CREBBP: variants seen among roughly 807,000 people sequenced by gnomAD.
CREBBP encodes CREB-binding protein.
Under a neutral mutation model 265.0 loss-of-function variants are expected in CREBBP, and 19 were observed. The observed-to-expected ratio is 0.07, with a 90% CI of 0.05 to 0.11. CREBBP has a LOEUF of 0.11. Ranked by LOEUF, CREBBP falls within the 10% of genes least tolerant of loss-of-function variation. The pLI is 1.00. For synonymous variants in CREBBP, 1,457 were observed against 1,223.7 expected, an observed-to-expected ratio of 1.19 and a Z score of -3.98; for missense variants, 2,525 against 3,219.0, an observed-to-expected ratio of 0.78 and a Z score of 5.22.
At chr16:3,816,681 C>G (rs1161005718) in intron 2 of CREBBP, among the ~76,000 whole-genome samples, 1 of 152,158 alleles carries the variant, frequency 6.6e-6, no homozygotes, top group Non-Finnish European at 1.5e-5. Flanking sequence ...GTACAAAGTA[C>G]CACACGGCTC....
chr16:3,827,449 T>C lies in CREBBP; in HGVS notation c.799-16670A>G, dbSNP rs561859203. Among the ~76,000 whole-genome samples, 56 of 152,280 alleles carry C rather than the reference T, an allele frequency of 3.7e-4. 1 individual carries two copies. The highest frequency in any genetic ancestry group is 1.3e-3 in the African/African-American group (53 of 41,556). ...CTCTGTTGCCCAGGCTGGAGTGCAG[T>C]GACGCAATCTCGGCTCACTGCAACC... On this transcript the variant is annotated intron_variant, in intron 2 of 30. Coordinates refer to ENST00000262367, the MANE Select transcript of CREBBP (RefSeq NM_004380.3).
At chr16:3,778,908 T>C (rs2053208416) in intron 8 of CREBBP, 91 bp from the exon 9 acceptor site, 1 of 1,072,002 alleles carries the variant, frequency 9.3e-7, no homozygotes, top group South Asian at 1.2e-5. Flanking sequence ...GGCTCACGCT[T>C]GTAATCCCAG....
intron 1 of CREBBP, among the ~76,000 whole-genome samples, chr16:3,871,100 AAAG>A (rs2055286029): frequency 6.6e-6 from 1 of 151,394 alleles, no homozygotes; most frequent in Non-Finnish European, 1.5e-5. Context: ...AAGAAAGAAA[AAAG>A]AAAGAAAGAA....
intron 1 of CREBBP, among the ~76,000 whole-genome samples, chr16:3,866,031 A>G (rs1300988683): frequency 6.6e-6 from 1 of 152,208 alleles, no homozygotes; most frequent in African/African-American, 2.4e-5. Flanking sequence ...AATGGTTCCC[A>G]GTGCTCCAGT....
intron 2 of CREBBP, among the ~76,000 whole-genome samples, chr16:3,812,683 T>C (rs976714348): frequency 6.6e-6 from 1 of 152,074 alleles, no homozygotes; most frequent in African/African-American, 2.4e-5. Context: ...AATTCAGGAA[T>C]TGCCATGGCA....
chr16:3,782,848 A>G lies in CREBBP; in HGVS notation c.1409T>C (p.Leu470Ser). The G allele has an allele frequency of 6.2e-7, 1 of 1,614,196 alleles. No homozygotes were observed. Among genetic ancestry groups the G allele is most frequent in the Non-Finnish European group, 8.5e-7 (1 of 1,180,034 alleles). The change falls in exon 6 of 31, where the codon TTA (leucine) becomes TCA (serine). Residue 470 changes from leucine (L) to serine (S), a missense_variant. Around this residue, in one of 19 missense-constraint regions of CREBBP, gnomAD observed 48 missense variants for 70.2 expected, o/e 0.68. Coordinates refer to ENST00000262367, the MANE Select transcript of CREBBP (RefSeq NM_004380.3). The stretch of plus-strand genomic sequence containing the variant: ...GGGGTCTATGGGATTTGGGTTACTT[A>G]AAGAAGTGGCATTCTGTTGCCCTGT... ...VGTGQQNATS[L>S]SNPNPIDPSS...
chr16:3,740,083 T>C (rs2151338773), intron 24 of CREBBP, among the ~76,000 whole-genome samples: 1 of 152,334 alleles, frequency 6.6e-6, no homozygotes, highest in East Asian at 1.9e-4. Flanking sequence ...TATACACCTG[T>C]ACTGGTCACA....
rs201170203 is a variant in CREBBP, at chr16:3,851,307, A to T, written c.86-298T>A. Among the ~76,000 whole-genome samples the T allele has an allele frequency of 3.0e-3, 310 of 102,838 alleles. No individual in the cohort carries two copies. The highest frequency in any genetic ancestry group is 9.2e-3 in the Middle Eastern group (2 of 218). The allele number at this position is 102,838 out of a possible 152,430, so 67.5% of individuals were successfully genotyped here. On this transcript the variant is annotated intron_variant, in intron 1 of 30. Transcript: ENST00000262367. ...CCGTCTCAAAAAAAAAAAAAAAATT[A>T]AAAAAAAAAAAAAAAAAAGAGTAAT...
At chr16:3,869,738 C>G (rs1050399770) in intron 1 of CREBBP, among the ~76,000 whole-genome samples, 4 of 152,178 alleles carry the variant, frequency 2.6e-5, no homozygotes, top group African/African-American at 9.7e-5. Context: ...GACCACTGGA[C>G]AGCGCTGGCT....
chr16:3,751,565 C>G (rs2052474490), intron 20 of CREBBP, among the ~76,000 whole-genome samples, 161 bp downstream of exon 20: 1 of 152,196 alleles, frequency 6.6e-6, no homozygotes, highest in South Asian at 2.1e-4. Context: ...GCACACCACC[C>G]AGGTGACAGA....
chr16:3,774,751 C>T (rs1403206698), intron 11 of CREBBP, 58 bp from the exon 12 acceptor site: 5 of 1,609,088 alleles, frequency 3.1e-6, no homozygotes, highest in Non-Finnish European at 4.3e-6. Flanking sequence ...AACAGAATTA[C>T]AACTTGCTAA....
chr16:3,751,637 G>T, intron 20 of CREBBP, 89 bp downstream of exon 20: 1 of 1,303,622 alleles, frequency 7.7e-7, no homozygotes, highest in Non-Finnish European at 1.1e-6. Context: ...AAATGGCACC[G>T]GTACCTTCCT....
intron 13 of CREBBP, among the ~76,000 whole-genome samples, chr16:3,772,328 AACACACACAC>A (rs34060381): frequency 3.8e-4 from 55 of 145,352 alleles, no homozygotes; most frequent in Middle Eastern, 6.9e-3. Flanking sequence ...CTGAAACACA[AACACACACAC>A]ACACACACAC....
chr16:3,835,809 T>C (rs1032079751), intron 2 of CREBBP, among the ~76,000 whole-genome samples: 1 of 151,844 alleles, frequency 6.6e-6, no homozygotes, highest in Admixed American at 6.6e-5. Context: ...CTCGATCTCC[T>C]GACCTTGTGA....
intron 18 of CREBBP, 144 bp from the exon 19 acceptor site, chr16:3,757,520 C>T: frequency 1.1e-6 from 1 of 886,282 alleles, no homozygotes; most frequent in Non-Finnish European, 1.8e-6. Flanking sequence ...GCTTTAAAGA[C>T]ATTTTGGGAT....
intron 2 of CREBBP, among the ~76,000 whole-genome samples, chr16:3,817,087 C>A (rs542229669): frequency 6.6e-5 from 10 of 152,288 alleles, no homozygotes; most frequent in Admixed American, 5.9e-4. Context: ...AAAAGTCGGG[C>A]AGAACGAGAA....
intron 1 of CREBBP, among the ~76,000 whole-genome samples, chr16:3,863,801 T>G (rs1304483962): frequency 1.3e-5 from 2 of 152,142 alleles, no homozygotes; most frequent in African/African-American, 4.8e-5. Context: ...CCCTCAGCCC[T>G]GAAGGGTGGG....
intron 3 of CREBBP, among the ~76,000 whole-genome samples, chr16:3,802,622 A>C (rs1567325006): frequency 6.6e-6 from 1 of 152,180 alleles, no homozygotes; most frequent in Non-Finnish European, 1.5e-5. Context: ...CAAAAAAATA[A>C]GTCATTTTTT....
At position 3,875,752 on chromosome 16, in the gene CREBBP, A is replaced by G. The variant is rs112246466; in HGVS notation, c.85+4080T>C. The stretch of plus-strand genomic sequence containing the variant: ...TGACCCTGTATCACCTCTCAAGTCC[A>G]GTTCCTCACCTAGAAAATAGCAGTA... On this transcript the variant is annotated intron_variant, in intron 1 of 30. Coordinates refer to ENST00000262367, the MANE Select transcript of CREBBP (RefSeq NM_004380.3). Among the ~76,000 whole-genome samples the G allele has an allele frequency of 1.9e-3, 291 of 152,324 alleles. 1 individual carries two copies. The highest frequency in any genetic ancestry group is 5.7e-3 in the African/African-American group (239 of 41,586).
Sources: gnomAD v4.1 joint callset for allele counts (sites outside exome capture counted in the v4.1 genomes callset) on GRCh38, gnomAD v4.1.1 for gene constraint, gnomAD v4.1.1 regional missense constraint, MANE v1.5 for transcripts, NCBI Gene and HGNC (gene_info 2026-07-23, HGNC 2026-07-21) for gene names.